The following RGPD1 variants were observed in gnomAD, a reference collection of about 807,000 sequenced individuals.
RGPD1 encodes the protein RANBP2 like and GRIP domain containing 1.
RGPD1 carries 7 observed loss-of-function variants against 40.6 expected under a neutral mutation model. The ratio of observed to expected loss-of-function variants is 0.17; its 90% CI spans 0.10 to 0.32. RGPD1 has a LOEUF of 0.32. RGPD1 is among the 10% of genes least tolerant of loss of function. The pLI, the probability that RGPD1 is intolerant of heterozygous loss-of-function variation, is 1.00. For synonymous variants in RGPD1, 24 were observed against 167.0 expected, an observed-to-expected ratio of 0.14 and a Z score of 6.60; for missense variants, 50 against 472.5, an observed-to-expected ratio of 0.11 and a Z score of 8.29.
intron 1 of RGPD1, among the ~76,000 whole-genome samples, chr2:86,918,595 G>A (rs564299185): frequency 6.8e-6 from 1 of 147,600 alleles, no homozygotes; most frequent in East Asian, 2.0e-4. Context: ...GAGTAGCCGG[G>A]ACTACAGGCG....
upstream of RGPD1, among the ~76,000 whole-genome samples, chr2:86,941,558 A>G (rs1409230029): frequency 4.7e-5 from 7 of 150,096 alleles, no homozygotes; most frequent in South Asian, 2.1e-4. Context: ...GGCTGTTCCT[A>G]TATACACAGT....
At chr2:86,942,503 A>G (rs1295699012) in intron 1 of RGPD1, among the ~76,000 whole-genome samples, 195 bp downstream of exon 1, 3 of 122,062 alleles carry the variant, frequency 2.5e-5, no homozygotes, top group Non-Finnish European at 3.4e-5. Context: ...GGCGGCCTCG[A>G]CCTGGCCGGG....
intron 22 of RGPD1, among the ~76,000 whole-genome samples, chr2:87,007,666 A>C (rs1462052254): frequency 6.6e-6 from 1 of 152,288 alleles, no homozygotes; most frequent in East Asian, 1.9e-4. Context: ...ATGAGCCACC[A>C]CTCACAGCTC....
upstream of RGPD1, among the ~76,000 whole-genome samples, chr2:86,940,936 A>G (rs1251014720): frequency 6.6e-6 from 1 of 152,236 alleles, no homozygotes; most frequent in African/African-American, 2.4e-5. Flanking sequence ...TGGTAAGCTC[A>G]GAATCATCTT....
chr2:86,941,674 A>G (rs1325145853), upstream of RGPD1, among the ~76,000 whole-genome samples: 1 of 151,302 alleles, frequency 6.6e-6, no homozygotes, highest in Non-Finnish European at 1.5e-5. Flanking sequence ...CTTTTCCTCT[A>G]AGTGTTCCAC....
chr2:86,997,081 C>A (rs200587363), intron 21 of RGPD1, among the ~76,000 whole-genome samples: 1 of 149,964 alleles, frequency 6.7e-6, no homozygotes. Flanking sequence ...CAGGATGCAT[C>A]CTCTCCTCTT....
At chr2:86,932,331 T>C (rs1424830548) in intron 1 of RGPD1, among the ~76,000 whole-genome samples, 1 of 41,564 alleles carries the variant, frequency 2.4e-5, no homozygotes, top group South Asian at 7.1e-4. Context: ...ATAAGGATGT[T>C]AATAATCTTT....
intron 1 of RGPD1, among the ~76,000 whole-genome samples, chr2:86,943,785 C>G (rs749186562): frequency 2.0e-5 from 3 of 152,072 alleles, no homozygotes; most frequent in Non-Finnish European, 4.4e-5. Flanking sequence ...CCGAGGAGGG[C>G]GGATTGCCTG....
At chr2:86,936,851 T>G (rs964438431) in intron 1 of RGPD1, among the ~76,000 whole-genome samples, 1 of 144,740 alleles carries the variant, frequency 6.9e-6, no homozygotes, top group Non-Finnish European at 1.5e-5. Context: ...TATTTTATTT[T>G]ATTTTATTTT....
intron 1 of RGPD1, among the ~76,000 whole-genome samples, chr2:86,944,108 A>G (rs1176316839): frequency 1.3e-5 from 2 of 152,322 alleles, no homozygotes; most frequent in East Asian, 3.9e-4. Flanking sequence ...AGCATACGTT[A>G]TCTTATTTTG....
At chr2:86,914,653 C>CGGCGGA (rs1283496877) in intron 1 of RGPD1, among the ~76,000 whole-genome samples, 1 of 38,928 alleles carries the variant, frequency 2.6e-5, no homozygotes, top group African/African-American at 1.0e-4. Flanking sequence ...CGGGCGGCGG[C>CGGCGGA]GGCGGCGGCG....
upstream of RGPD1, among the ~76,000 whole-genome samples, chr2:86,939,330 G>A (rs554719055): frequency 6.8e-6 from 1 of 147,916 alleles, no homozygotes. Flanking sequence ...CTGTATCCGA[G>A]CACTTTGGGA....
At chr2:86,933,445 C>A (rs1040799520) in intron 1 of RGPD1, among the ~76,000 whole-genome samples, 4 of 148,998 alleles carry the variant, frequency 2.7e-5, no homozygotes, top group Non-Finnish European at 6.0e-5. Context: ...TATAAAATTT[C>A]TATTCTGCTT....
upstream of RGPD1, among the ~76,000 whole-genome samples, chr2:86,940,592 C>A (rs940023460): frequency 2.1e-5 from 3 of 142,138 alleles, no homozygotes; most frequent in Non-Finnish European, 4.6e-5. Flanking sequence ...AGCCATCGTG[C>A]CTGGCCCTCT....
At chr2:86,936,841 T>C (rs1473351972) in intron 1 of RGPD1, among the ~76,000 whole-genome samples, 1 of 144,442 alleles carries the variant, frequency 6.9e-6, no homozygotes, top group Non-Finnish European at 1.5e-5. Context: ...TTCTCCATTT[T>C]ATTTTATTTT....
At chr2:86,929,769 G>A (rs968557111) in intron 1 of RGPD1, among the ~76,000 whole-genome samples, 10 of 139,796 alleles carry the variant, frequency 7.2e-5, no homozygotes, top group African/African-American at 2.3e-4. Flanking sequence ...ATGTCTTGCG[G>A]GGGTAAAGCT....
intron 1 of RGPD1, among the ~76,000 whole-genome samples, chr2:86,920,360 G>T (rs1237046991): frequency 1.3e-5 from 2 of 151,080 alleles, no homozygotes; most frequent in Non-Finnish European, 3.0e-5. Flanking sequence ...GTGAACCATG[G>T]CTCCTGGCCT....
At chr2:86,960,505 G>A (rs890928745) in intron 6 of RGPD1, among the ~76,000 whole-genome samples, 14 of 98,746 alleles carry the variant, frequency 1.4e-4, no homozygotes, top group South Asian at 3.1e-4. Flanking sequence ...GATTACAGGC[G>A]TGAGCCACCG....
intron 1 of RGPD1, among the ~76,000 whole-genome samples, chr2:86,928,656 T>C (rs1678680587): frequency 6.6e-6 from 1 of 152,102 alleles, no homozygotes; most frequent in African/African-American, 2.4e-5. Context: ...AATGGGAGAA[T>C]AGAATGAACC....
Sources: allele counts gnomAD v4.1 joint callset (sites outside exome capture counted in the v4.1 genomes callset), GRCh38; gene constraint gnomAD v4.1.1; transcripts MANE v1.5; gene names NCBI Gene and HGNC (gene_info 2026-07-23, HGNC 2026-07-21).